The following USP1 variants were observed in gnomAD, a reference collection of about 807,000 sequenced individuals.
USP1 encodes ubiquitin specific peptidase 1.
Under a neutral mutation model 72.2 loss-of-function variants are expected in USP1, and 18 were observed. The observed-to-expected ratio is 0.25, with a 90% CI of 0.17 to 0.37. The LOEUF (loss-of-function observed/expected upper bound fraction) is 0.37. Ranked by LOEUF, USP1 falls within the 10% of genes least tolerant of loss-of-function variation. The pLI, the probability that USP1 is intolerant of heterozygous loss-of-function variation, is 1.00. For synonymous variants in USP1, 354 were observed against 303.7 expected (o/e 1.17, Z -1.72); for missense variants, 759 against 884.9 (o/e 0.86, Z 1.81).
chr1:62,440,142 G>GT, intron 2 of USP1, 105 bp downstream of exon 2: 1 of 1,018,330 alleles, frequency 9.8e-7, no homozygotes, highest in Non-Finnish European at 1.3e-6. Context: ...GCACAAAAAA[G>GT]TACGCTTCAG....
rs1320168489 is a variant in USP1 at position 62,439,838 on chromosome 1, CTT to C, written c.-29_-28del. The C allele has an allele frequency of 1.5e-6, 2 of 1,361,552 alleles. No individual in the cohort carries two copies. Among genetic ancestry groups the C allele is most frequent in the Non-Finnish European group, 1.9e-6 (2 of 1,047,886 alleles). The allele number at this position is 1,361,552 out of a possible 1,614,324, so 84.3% of individuals were successfully genotyped here. A position where few individuals can be genotyped will look rare whatever the true frequency, so the allele number is the denominator to read the frequency against. ...TACAACTTTCCTCTATAAATTAACTCTTGACACTCCTTGGGATTTGAAGAAAA... is the reference window on the plus strand; with the variant it reads ...TACAACTTTCCTCTATAAATTAACTCGACACTCCTTGGGATTTGAAGAAAA... On this transcript the variant is annotated 5_prime_UTR_variant, in exon 2 of 9. Transcript: ENST00000339950.
At chr1:62,440,131 G>C in intron 2 of USP1, 94 bp downstream of exon 2, 1 of 1,185,230 alleles carries the variant, frequency 8.4e-7, no homozygotes, top group South Asian at 2.6e-5. Context: ...AGTCTGTAGC[G>C]GCACAAAAAA....
At position 62,451,658 on chromosome 1, in the gene USP1, C is replaced by T. The variant is rs1645222410; in HGVS notation, c.*677C>T. 6.6e-6 allele frequency: 1 copy of T among 152,580 alleles called. No individual in the cohort carries two copies. Among genetic ancestry groups the T allele is most frequent in the Non-Finnish European group, 1.5e-5 (1 of 68,030 alleles). 9.5% of individuals were successfully genotyped at this position (152,580 alleles called of 1,614,324 possible). On this transcript the variant is annotated 3_prime_UTR_variant, in exon 9 of 9. Transcript: ENST00000339950. ...TATTCTGCACGATCTGTATATAGTA[C>T]ATCAAACTTAGAGGTGTGACCTTAA...
rs1029127782 is a variant in USP1 at position 62,450,111 on chromosome 1, T to C, written c.1623-135T>C. 3 of 1,070,490 alleles carry C rather than the reference T, an allele frequency of 2.8e-6. No homozygotes were observed. In the African/African-American group the frequency reaches 4.8e-5, roughly 17 times the overall value. The allele number at this position is 1,070,490 out of a possible 1,614,324, so 66.3% of individuals were successfully genotyped here. On this transcript the variant is annotated intron_variant, in intron 8 of 8. Coordinates refer to ENST00000339950, the MANE Select transcript of USP1 (RefSeq NM_003368.5). Reference sequence around the variant, plus strand: ...ATTATTCAAAGTTGGGGTCTTGTTTTGATTCTGCTTTTCTGATATATGAAC... The same window carrying C: ...ATTATTCAAAGTTGGGGTCTTGTTTCGATTCTGCTTTTCTGATATATGAAC...
At chr1:62,443,067 A>C in intron 4 of USP1, 92 bp from the exon 5 acceptor site, 3 of 1,354,154 alleles carry the variant, frequency 2.2e-6, no homozygotes, top group Non-Finnish European at 3.0e-6. Flanking sequence ...GCAACTTAGA[A>C]AATCTAGTAT....
chr1:62,451,554 T>C lies in USP1; in HGVS notation c.*573T>C, dbSNP rs2149209206. 6.5e-6 allele frequency: 1 copy of C among 152,774 alleles called. No individual in the cohort carries two copies. The allele number at this position is 152,774 out of a possible 1,614,324, so 9.5% of individuals were successfully genotyped here. On this transcript the variant is annotated 3_prime_UTR_variant, in exon 9 of 9. Transcript: ENST00000339950. The stretch of plus-strand genomic sequence containing the variant: ...GGACAGTTCGCTTCTACACAAGAAT[T>C]TTATATGTATTTATGAAGATGATTC...
At position 62,437,205 on chromosome 1, in the gene USP1, G is replaced by C. The variant is rs1047580786; in HGVS notation, c.-265G>C. The C allele has an allele frequency of 2.0e-5, 8 of 398,456 alleles. No individual in the cohort carries two copies. The highest frequency in any genetic ancestry group is 3.1e-5 in the Non-Finnish European group (7 of 225,920). The allele number at this position is 398,456 out of a possible 1,614,324, so 24.7% of individuals were successfully genotyped here. ...GATGTAGTTGGTGTTGGTGCAAGACGGGAGCGAGCGGCGGTCGGGGTTCCC... is the reference window on the plus strand; with the variant it reads ...GATGTAGTTGGTGTTGGTGCAAGACCGGAGCGAGCGGCGGTCGGGGTTCCC... On this transcript the variant is annotated 5_prime_UTR_variant, in exon 1 of 9. Transcript: ENST00000339950.
chr1:62,448,451 A>G lies in USP1; in HGVS notation c.1421-14A>G. On this transcript the variant is annotated splice_polypyrimidine_tract_variant and intron_variant, in intron 7 of 8. Transcript: ENST00000339950. ...CTGAGAGAAGTATTTGAGTGAAAGG[A>G]TTCTCTTTTTTAGTTTCTCCAGAGC... The G allele has an allele frequency of 1.2e-6, 2 of 1,610,792 alleles. No homozygotes were observed. Among genetic ancestry groups the G allele is most frequent in the African/African-American group, 2.7e-5 (2 of 74,864 alleles).
intron 8 of USP1, 120 bp downstream of exon 8, chr1:62,448,786 G>C: frequency 2.8e-6 from 3 of 1,057,688 alleles, no homozygotes; most frequent in Non-Finnish European, 4.1e-6. Flanking sequence ...TGTAAAGATT[G>C]CTTCAGTAAA....
rs1292561673 is a variant in USP1 at position 62,450,934 on chromosome 1, A to G, written c.2311A>G (p.Thr771Ala). 2 of 1,611,188 alleles carry G rather than the reference A, an allele frequency of 1.2e-6. No individual in the cohort carries two copies. Among genetic ancestry groups the G allele is most frequent in the Non-Finnish European group, 1.7e-6 (2 of 1,179,250 alleles). Residue 771 changes from threonine (T) to alanine (A), a missense_variant, in exon 9 of 9, where the codon ACA (threonine) becomes GCA (alanine). Thr to Ala is a moderately conservative substitution (Grantham distance 58). Transcript: ENST00000339950. ...CTTTCTGAATTCTCTTTCCCCTTCT[A>G]CATCTCCTACTTCTACTCCTTACTT... ...KDFLNSLSPS[T>A]SPTSTPYLLF...
upstream of USP1, chr1:62,437,048 G>C (rs906909301): frequency 5.0e-6 from 2 of 398,592 alleles, no homozygotes; most frequent in African/African-American, 2.1e-5. Context: ...CTGAGACTGA[G>C]GAAAACGCGC....
intron 3 of USP1, 131 bp from the exon 4 acceptor site, chr1:62,442,064 C>G (rs1645138033): frequency 1.6e-6 from 1 of 639,178 alleles, no homozygotes; most frequent in Non-Finnish European, 2.6e-6. Flanking sequence ...CAAATTTTGA[C>G]ACAAAACTTA....
rs781009347 is a variant in USP1 at position 62,442,288 on chromosome 1, C to A, written c.385C>A (p.Gln129Lys). The A allele has an allele frequency of 4.4e-6, 7 of 1,582,354 alleles. No homozygotes were observed. The highest frequency in any genetic ancestry group is 3.5e-5 in the South Asian group (3 of 86,086). The change falls in exon 4 of 9, where the codon CAA becomes AAA. Residue 129 changes from glutamine to lysine, a missense_variant. Gln to Lys is a moderately conservative substitution (Grantham distance 53). Around this residue, in one of 9 missense-constraint regions of USP1, gnomAD observed 71 missense variants for 71.0 expected, o/e 1.00. Coordinates refer to ENST00000339950, the MANE Select transcript of USP1 (RefSeq NM_003368.5). ...AGAAGCTCTAAAGGATGAAGCCAAT[C>A]AAAAAGACAAGGTAAGAAAAATAAA... is the stretch of plus-strand genomic sequence containing the variant. ...KKEALKDEANQKDKGNCKEDS... is the reference protein window; with the variant it reads ...KKEALKDEANKKDKGNCKEDS...
chr1:62,441,646 A>G, intron 3 of USP1, 38 bp downstream of exon 3: 1 of 1,587,720 alleles, frequency 6.3e-7, no homozygotes, highest in Middle Eastern at 1.8e-4. Context: ...AAGCTTTAGT[A>G]GGCAAAGATT....
intron 2 of USP1, among the ~76,000 whole-genome samples, chr1:62,440,901 G>C (rs1331244340): frequency 1.3e-5 from 2 of 152,034 alleles, no homozygotes; most frequent in African/African-American, 4.8e-5. Flanking sequence ...TGCCCAGGCT[G>C]GTCTTGAATT....
intron 5 of USP1, among the ~76,000 whole-genome samples, chr1:62,443,617 C>T (rs1425084200): frequency 6.6e-6 from 1 of 152,066 alleles, no homozygotes; most frequent in Non-Finnish European, 1.5e-5. Flanking sequence ...TAGAGTACTC[C>T]CATATCAAGT....
intron 8 of USP1, among the ~76,000 whole-genome samples, chr1:62,448,997 C>T (rs1355036236): frequency 1.3e-5 from 2 of 152,148 alleles, no homozygotes; most frequent in African/African-American, 4.8e-5. Flanking sequence ...GTTCTCCCAC[C>T]TCAGCCTTCT....
chr1:62,451,309 T>C lies in USP1; in HGVS notation c.*328T>C, dbSNP rs557998415. 4.4e-5 allele frequency: 8 copies of C among 181,206 alleles called. No individual in the cohort carries two copies. The South Asian group carries it at 1.4e-3, about 33-fold the overall frequency. The allele number at this position is 181,206 out of a possible 1,614,324, so 11.2% of individuals were successfully genotyped here. ...CTTTTTAAAATAAAGTGCTCGTATT[T>C]GTATTCTCCATATTTTGGAGTAATT... On this transcript the variant is annotated 3_prime_UTR_variant, in exon 9 of 9. Coordinates refer to ENST00000339950, the MANE Select transcript of USP1 (RefSeq NM_003368.5).
At chr1:62,446,542 T>C (rs994216918) in intron 6 of USP1, among the ~76,000 whole-genome samples, 1 of 152,120 alleles carries the variant, frequency 6.6e-6, no homozygotes, top group Non-Finnish European at 1.5e-5. Flanking sequence ...TATGTAAACA[T>C]AGGTACAGTA....
Sources: allele counts gnomAD v4.1 joint callset (sites outside exome capture counted in the v4.1 genomes callset), GRCh38; gene constraint gnomAD v4.1.1; regional missense constraint gnomAD v4.1.1; transcripts MANE v1.5; gene names NCBI Gene and HGNC (gene_info 2026-07-23, HGNC 2026-07-21).